TRAPPC13: variants seen among roughly 807,000 people sequenced by gnomAD.
TRAPPC13 encodes REV7-interacting novel NHEJ regulator 1.
A neutral mutation model predicts 54.0 loss-of-function variants in TRAPPC13; 39 were observed. The ratio of observed to expected loss-of-function variants is 0.72; its 90% CI spans 0.56 to 0.94. TRAPPC13 has a LOEUF of 0.94. Among genes scored for constraint, TRAPPC13 ranks in the 40% least tolerant of loss-of-function variants. The probability of loss-of-function intolerance (pLI) is 0.00; values close to 1 mark genes in which losing one functional copy is unlikely to be tolerated. For synonymous variants in TRAPPC13, 148 were observed against 167.7 expected (o/e 0.88, Z 0.91); for missense variants, 386 against 488.1 (o/e 0.79, Z 1.97).
At chr5:65,658,269 G>A (rs972092612) in intron 8 of TRAPPC13, 99 bp from the exon 9 acceptor site, 1 of 1,193,606 alleles carries the variant, frequency 8.4e-7, no homozygotes, top group African/African-American at 1.6e-5. Context: ...AATCACATTT[G>A]TGGTTAATAT....
intron 1 of TRAPPC13, 158 bp downstream of exon 1, chr5:65,625,264 T>C: frequency 1.5e-6 from 1 of 661,158 alleles, no homozygotes; most frequent in Non-Finnish European, 2.7e-6. Context: ...TTCTCCTGGA[T>C]GCTTTTTAGG....
chr5:65,664,479 G>A, intron 12 of TRAPPC13, 25 bp from the exon 13 acceptor site: 1 of 1,327,770 alleles, frequency 7.5e-7, no homozygotes, highest in Non-Finnish European at 1.0e-6. Flanking sequence ...TGAAAACTTA[G>A]ACTCATCTCT....
rs573598156 is a variant in TRAPPC13, at chr5:65,630,330, T to C, written c.47-4971T>C. 1.7e-5 allele frequency: 25 copies of C among 1,513,160 alleles called. No individual in the cohort carries two copies. In the African/African-American group the frequency reaches 3.2e-4, roughly 19 times the overall value. 93.7% of individuals were successfully genotyped at this position (1,513,160 alleles called of 1,614,324 possible). ...TTTGTGCATAAATATGGTGTTATTTTTAGTATGTAATGAATTCCACTGATT... is the reference window on the plus strand; with the variant it reads ...TTTGTGCATAAATATGGTGTTATTTCTAGTATGTAATGAATTCCACTGATT... On this transcript the variant is annotated intron_variant, in intron 1 of 12. Coordinates refer to ENST00000399438, the MANE Select transcript of TRAPPC13 (RefSeq NM_024941.4).
intron 5 of TRAPPC13, among the ~76,000 whole-genome samples, chr5:65,647,804 AT>A (rs982369775): frequency 1.3e-5 from 2 of 151,976 alleles, no homozygotes; most frequent in Non-Finnish European, 2.9e-5. Flanking sequence ...AATATCTTTC[AT>A]TTATCTCTTC....
In TRAPPC13 at chr5:65,636,829, CA is replaced by C. The variant is rs533241930; in HGVS notation, c.215+791del. Among the ~76,000 whole-genome samples, 1,060 of 152,090 alleles carry C rather than the reference CA, an allele frequency of 7.0e-3. 11 individuals are homozygous for C. The highest frequency in any genetic ancestry group is 0.024 in the African/African-American group (1,014 of 41,504). ...TGTTTGCAACAGACAGAATTTGAGA[CA>C]AAAAGAAATTTTACAGATTGTTTTT... On this transcript the variant is annotated intron_variant, in intron 3 of 12. Coordinates refer to ENST00000399438, the MANE Select transcript of TRAPPC13 (RefSeq NM_024941.4).
chr5:65,626,323 G>T (rs975227639), intron 1 of TRAPPC13: 11 of 152,186 alleles, frequency 7.2e-5, no homozygotes, highest in African/African-American at 2.4e-4. Context: ...AGTCCGTGTT[G>T]CCTCCTAAAG....
intron 3 of TRAPPC13, among the ~76,000 whole-genome samples, chr5:65,636,909 A>G (rs1222697013): frequency 1.3e-5 from 2 of 152,220 alleles, no homozygotes; most frequent in Non-Finnish European, 2.9e-5. Context: ...TGGGAAATAT[A>G]TTCATGTAAA....
chr5:65,647,467 A>T (rs1415077201), intron 5 of TRAPPC13, among the ~76,000 whole-genome samples: 1 of 152,176 alleles, frequency 6.6e-6, no homozygotes, highest in East Asian at 1.9e-4. Flanking sequence ...TAGCACTCTA[A>T]AAGTAAATTT....
chr5:65,645,316 G>T (rs895440608), intron 4 of TRAPPC13, among the ~76,000 whole-genome samples: 1 of 152,060 alleles, frequency 6.6e-6, no homozygotes, highest in African/African-American at 2.4e-5. Context: ...GTGAAATGGG[G>T]ATAATACTAA....
At chr5:65,631,914 GAA>G (rs35020028) in intron 1 of TRAPPC13, among the ~76,000 whole-genome samples, 1 of 143,930 alleles carries the variant, frequency 6.9e-6, no homozygotes. Flanking sequence ...AGGACACTAA[GAA>G]AAAAAAAAAA....
intron 7 of TRAPPC13, 90 bp from the exon 8 acceptor site, chr5:65,655,546 T>C (rs776078442): frequency 4.4e-5 from 18 of 406,092 alleles, no homozygotes; most frequent in Non-Finnish European, 6.8e-5. Context: ...TTTAAAAAAA[T>C]GCAGAAATGC....
rs183390506 is a variant in TRAPPC13 at position 65,651,755 on chromosome 5, A to T, written c.502-746A>T. Among the ~76,000 whole-genome samples the T allele has an allele frequency of 1.5e-3, 229 of 151,530 alleles. 2 individuals are homozygous for T. Among genetic ancestry groups the T allele is most frequent in the African/African-American group, 5.2e-3 (213 of 41,266 alleles). Reference sequence around the variant, plus strand: ...CATTCCTTTGTAAGTGGAAGAAAAAATACTATTCATAGGGAAAAAAAATCT... The same window carrying T: ...CATTCCTTTGTAAGTGGAAGAAAAATTACTATTCATAGGGAAAAAAAATCT... On this transcript the variant is annotated intron_variant, in intron 6 of 12. Coordinates refer to ENST00000399438, the MANE Select transcript of TRAPPC13 (RefSeq NM_024941.4).
At chr5:65,643,818 G>GA (rs529875913) in intron 4 of TRAPPC13, among the ~76,000 whole-genome samples, 4,219 of 49,826 alleles carry the variant, frequency 0.085, 110 homozygotes, top group Middle Eastern at 0.21. Context: ...CTCCGTCTCA[G>GA]AAAAAAAAAA....
chr5:65,661,956 A>C, intron 10 of TRAPPC13, 94 bp from the exon 11 acceptor site: 1 of 770,502 alleles, frequency 1.3e-6, no homozygotes, highest in Non-Finnish European at 2.0e-6. Context: ...TGGAAACCCA[A>C]CAGCTGTTGA....
intron 7 of TRAPPC13, 142 bp downstream of exon 7, chr5:65,652,687 A>T: frequency 1.4e-6 from 1 of 720,194 alleles, no homozygotes; most frequent in Non-Finnish European, 2.5e-6. Flanking sequence ...ATTTCAGTTA[A>T]AATTGAATAA....
At chr5:65,640,493 G>A (rs1336197758) in intron 4 of TRAPPC13, among the ~76,000 whole-genome samples, 1 of 152,214 alleles carries the variant, frequency 6.6e-6, no homozygotes, top group Non-Finnish European at 1.5e-5. Context: ...CAGCAGAGTT[G>A]TATATAGTTG....
intron 9 of TRAPPC13, among the ~76,000 whole-genome samples, chr5:65,659,208 T>G (rs1756761389): frequency 6.6e-6 from 1 of 152,208 alleles, no homozygotes. Context: ...AAGTCAAATT[T>G]CTGGACTCAA....
intron 5 of TRAPPC13, among the ~76,000 whole-genome samples, chr5:65,648,497 A>G (rs538904385): frequency 6.6e-6 from 1 of 152,332 alleles, no homozygotes; most frequent in East Asian, 1.9e-4. Flanking sequence ...ATGGTAATAA[A>G]TGTGTAAAAT....
intron 4 of TRAPPC13, among the ~76,000 whole-genome samples, chr5:65,645,597 G>C (rs1202483368): frequency 6.6e-6 from 1 of 152,154 alleles, no homozygotes; most frequent in Non-Finnish European, 1.5e-5. Flanking sequence ...GAGGTCAGGA[G>C]ATCAAGACCA....
Sources: allele counts gnomAD v4.1 joint callset (sites outside exome capture counted in the v4.1 genomes callset), GRCh38; gene constraint gnomAD v4.1.1; transcripts MANE v1.5; gene names NCBI Gene and HGNC (gene_info 2026-07-23, HGNC 2026-07-21).